KIAA2012: variants seen among roughly 807,000 people sequenced by gnomAD.
KIAA2012 encodes KIAA2012.
In KIAA2012, 125 loss-of-function variants were observed where a neutral mutation model predicts 150.6. The ratio of observed to expected loss-of-function variants is 0.83; its 90% confidence interval spans 0.72 to 0.96. KIAA2012 has a LOEUF of 0.96. KIAA2012 is among the 40% of genes least tolerant of loss of function. The pLI, the probability that KIAA2012 is intolerant of heterozygous loss-of-function variation, is 0.00. For missense variants in KIAA2012, 1,219 were observed against 1,354.9 expected (o/e 0.90, Z 1.57); for synonymous variants, 462 against 504.7 (o/e 0.92, Z 1.13).
At position 202,136,888 on chromosome 2, in the gene KIAA2012, C is replaced by G. The variant is rs951768283; in HGVS notation, c.1832-1544C>G. ...GCTGCTAGCACGTTGTCACCTCTCACTGTCACCTAGGCTGGAGTGCAGTGG... is the reference window on the plus strand; with the variant it reads ...GCTGCTAGCACGTTGTCACCTCTCAGTGTCACCTAGGCTGGAGTGCAGTGG... On this transcript the variant is annotated intron_variant, in intron 12 of 23. Transcript: ENST00000498697. 3.3e-5 allele frequency: 5 copies of G among 152,334 alleles called. No individual in the cohort carries two copies. In the East Asian group the frequency reaches 9.6e-4, roughly 29 times the overall value. 9.4% of individuals were successfully genotyped at this position (152,334 alleles called of 1,614,324 possible). A position where few individuals can be genotyped will look rare whatever the true frequency, so the allele number is the denominator to read the frequency against.
intron 22 of KIAA2012, chr2:202,197,313 C>CA: frequency 8.9e-6 from 4 of 447,740 alleles, no homozygotes; most frequent in African/African-American, 2.0e-5. Context: ...TGATCACAGA[C>CA]AAACAGTGAC....
intron 8 of KIAA2012, among the ~76,000 whole-genome samples, chr2:202,103,646 G>A (rs939542425): frequency 1.3e-5 from 2 of 152,168 alleles, no homozygotes; most frequent in African/African-American, 4.8e-5. Flanking sequence ...AAAGATAAAA[G>A]TTTATCCAAA....
In KIAA2012 at chr2:202,202,421, C is replaced by T. The variant is rs2105758606; in HGVS notation, c.3408-8C>T. On this transcript the variant is annotated splice_polypyrimidine_tract_variant and splice_region_variant and intron_variant, in intron 22 of 23. Coordinates refer to ENST00000498697, the MANE Select transcript of KIAA2012 (RefSeq NM_001277372.4). The stretch of plus-strand genomic sequence containing the variant: ...TTATTGGAATTGGGGGTGGGGTTGT[C>T]TCCTTAGGCAAAAAGCTGCTTTGGA... 1 of 399,724 alleles carries T rather than the reference C, an allele frequency of 2.5e-6. No individual in the cohort carries two copies. Among genetic ancestry groups the T allele is most frequent in the East Asian group, 3.6e-5 (1 of 28,074 alleles). The allele number at this position is 399,724 out of a possible 1,614,324, so 24.8% of individuals were successfully genotyped here.
intron 5 of KIAA2012, 95 bp downstream of exon 5, chr2:202,097,672 C>CGGAG (rs1430485211): frequency 2.2e-6 from 3 of 1,359,234 alleles, no homozygotes; most frequent in Non-Finnish European, 1.0e-6. Context: ...TCACTGCAAC[C>CGGAG]TCCGCCTCCT....
At chr2:202,138,011 C>G in intron 12 of KIAA2012, 1 of 155,450 alleles carries the variant, frequency 6.4e-6, no homozygotes, top group Non-Finnish European at 1.4e-5. Flanking sequence ...AGCCTCTGAT[C>G]TCTCTATTTG....
chr2:202,105,763 G>A lies in KIAA2012; in HGVS notation c.1327G>A (p.Ala443Thr). The A allele has an allele frequency of 6.5e-7, 1 of 1,550,336 alleles. No homozygotes were observed. Among genetic ancestry groups the A allele is most frequent in the Non-Finnish European group, 8.7e-7 (1 of 1,146,828 alleles). ...TCAGCCTCCTCTTTGTCTCCTAGGT[G>A]CTCCACACCCTGAGTCAGAACCAGA... ...PPKEKAHRRGAPHPESEPESS... is the reference protein window; with the variant it reads ...PPKEKAHRRGTPHPESEPESS... The change falls in exon 9 of 24, where the codon GCT (alanine) becomes ACT (threonine). Residue 443 changes from alanine (A) to threonine (T), a missense_variant and splice_region_variant. By Grantham distance (58) the Ala-to-Thr change is moderately conservative. Coordinates refer to ENST00000498697, the MANE Select transcript of KIAA2012 (RefSeq NM_001277372.4).
intron 12 of KIAA2012, chr2:202,137,766 G>T (rs1691107959): frequency 6.6e-6 from 1 of 152,254 alleles, no homozygotes; most frequent in Non-Finnish European, 1.5e-5. Context: ...TATACCTTTT[G>T]CACCTCAGCT....
At chr2:202,163,309 G>A (rs1456446619) in intron 14 of KIAA2012, among the ~76,000 whole-genome samples, 3 of 151,664 alleles carry the variant, frequency 2.0e-5, no homozygotes, top group Non-Finnish European at 2.9e-5. Flanking sequence ...TGATCATGTT[G>A]GCCAGGCTGG....
chr2:202,158,335 A>G (rs1275505796), intron 14 of KIAA2012, among the ~76,000 whole-genome samples: 1 of 151,954 alleles, frequency 6.6e-6, no homozygotes, highest in Non-Finnish European at 1.5e-5. Flanking sequence ...AGTATCAGAC[A>G]CTGTGATAGG....
At chr2:202,113,133 C>T (rs1690419695) in intron 10 of KIAA2012, among the ~76,000 whole-genome samples, 1 of 152,176 alleles carries the variant, frequency 6.6e-6, no homozygotes, top group South Asian at 2.1e-4. Flanking sequence ...CCCACCTTGA[C>T]CCCCGGAAGG....
intron 15 of KIAA2012, among the ~76,000 whole-genome samples, 182 bp from the exon 16 acceptor site, chr2:202,184,571 T>C (rs951884374): frequency 6.6e-6 from 1 of 152,196 alleles, no homozygotes; most frequent in Non-Finnish European, 1.5e-5. Flanking sequence ...CTAATTTTAA[T>C]GTTACTTGCC....
intron 19 of KIAA2012, among the ~76,000 whole-genome samples, chr2:202,192,370 C>T (rs114817624): frequency 0.011 from 1,609 of 152,156 alleles, 19 homozygotes; most frequent in African/African-American, 0.037. Context: ...AAAGAACAAC[C>T]TTCCATTGGA....
chr2:202,076,099 A>C (rs1689317475), intron 2 of KIAA2012, among the ~76,000 whole-genome samples: 1 of 152,108 alleles, frequency 6.6e-6, no homozygotes, highest in African/African-American at 2.4e-5. Context: ...CATCCTTCAA[A>C]ACACAACTTA....
intron 11 of KIAA2012, among the ~76,000 whole-genome samples, chr2:202,122,593 C>T (rs1448961837): frequency 6.6e-6 from 1 of 150,868 alleles, no homozygotes; most frequent in East Asian, 2.0e-4. Flanking sequence ...TTCCGCTTCT[C>T]GGGTTCAAGA....
chr2:202,169,448 A>G (rs918482169), intron 15 of KIAA2012, among the ~76,000 whole-genome samples: 13 of 152,158 alleles, frequency 8.5e-5, no homozygotes, highest in Non-Finnish European at 1.5e-4. Flanking sequence ...CACCTTCACC[A>G]TAGACCCAGA....
chr2:202,091,840 G>A (rs181163736), intron 3 of KIAA2012, among the ~76,000 whole-genome samples: 17 of 152,258 alleles, frequency 1.1e-4, no homozygotes, highest in Admixed American at 9.8e-4. Context: ...CTTTCTTCCT[G>A]CTTTATAGGT....
chr2:202,193,443 G>A lies in KIAA2012; in HGVS notation c.2954G>A (p.Arg985Lys). The A allele has an allele frequency of 1.3e-6, 2 of 1,550,276 alleles. No homozygotes were observed. The highest frequency in any genetic ancestry group is 1.2e-5 in the South Asian group (1 of 84,050). The change falls in exon 20 of 24, where the codon AGA becomes AAA. Residue 985 changes from arginine (R) to lysine (K), a missense_variant. Transcript: ENST00000498697. ...QRQLQQEQLERAKKMEEELEL... is the reference protein window; with the variant it reads ...QRQLQQEQLEKAKKMEEELEL... Reference sequence around the variant, plus strand: ...CAGCTCCAGCAGGAGCAGCTGGAGAGAGCAAAAAAGATGGAGGAGGAGCTG... The same window carrying A: ...CAGCTCCAGCAGGAGCAGCTGGAGAAAGCAAAAAAGATGGAGGAGGAGCTG...
At chr2:202,194,410 A>G (rs1222214667) in intron 21 of KIAA2012, 48 bp downstream of exon 21, 2 of 1,541,664 alleles carry the variant, frequency 1.3e-6, no homozygotes, top group Admixed American at 4.0e-5. Context: ...CTTGGGGCAG[A>G]AACACTTTTA....
At chr2:202,151,475 A>C (rs1169345900) in intron 13 of KIAA2012, among the ~76,000 whole-genome samples, 1 of 151,296 alleles carries the variant, frequency 6.6e-6, no homozygotes, top group South Asian at 2.1e-4. Context: ...TGATTGCTAA[A>C]GATAGATTCA....
Sources: allele counts gnomAD v4.1 joint callset (sites outside exome capture counted in the v4.1 genomes callset), GRCh38; gene constraint gnomAD v4.1.1; transcripts MANE v1.5; gene names NCBI Gene and HGNC (gene_info 2026-07-23, HGNC 2026-07-21).